ASAP1: variants seen among roughly 807,000 people sequenced by gnomAD.
ASAP1 encodes arf-GAP with SH3 domain, ANK repeat and PH domain-containing protein 1.
Under a neutral mutation model 145.2 loss-of-function variants are expected in ASAP1, and 43 were observed. The ratio of observed to expected loss-of-function variants is 0.30; its 90% confidence interval spans 0.23 to 0.38. ASAP1 has a LOEUF of 0.38. Ranked by LOEUF, ASAP1 falls within the 10% of genes least tolerant of loss-of-function variation. The pLI is 1.00. For missense variants in ASAP1, 1,018 were observed against 1,355.3 expected (o/e 0.75, Z 3.91); for synonymous variants, 546 against 515.5 (o/e 1.06, Z -0.80).
intron 1 of ASAP1, among the ~76,000 whole-genome samples, chr8:130,443,221 C>G (rs959180540): frequency 4.0e-5 from 6 of 151,816 alleles, no homozygotes; most frequent in Non-Finnish European, 8.8e-5. Flanking sequence ...GACCTCCCCC[C>G]CCCACCGGGC....
At chr8:130,416,552 T>A (rs1829483041) in intron 1 of ASAP1, among the ~76,000 whole-genome samples, 1 of 152,228 alleles carries the variant, frequency 6.6e-6, no homozygotes, top group Admixed American at 6.5e-5. Context: ...AAATAGGTTA[T>A]CCTGACTGTC....
chr8:130,320,347 CG>C (rs1823923256), intron 3 of ASAP1, among the ~76,000 whole-genome samples: 1 of 151,974 alleles, frequency 6.6e-6, no homozygotes. Context: ...CCTGAGCTCA[CG>C]GGTTTGAGAC....
rs746980098 is a variant in ASAP1, at chr8:130,112,336, TAAG to T, written c.2173-17_2173-15del. 1.7e-5 allele frequency: 27 copies of T among 1,610,080 alleles called. No homozygotes were observed. The highest frequency in any genetic ancestry group is 1.1e-4 in the East Asian group (5 of 44,812). Reference sequence around the variant, plus strand: ...GATAGGGCTTGGCTGGCAGATGAAATAAGAAGGTGAGATAATAATCAAGGACCA... The same window carrying T: ...GATAGGGCTTGGCTGGCAGATGAAATAAGGTGAGATAATAATCAAGGACCA... On this transcript the variant is annotated splice_polypyrimidine_tract_variant and intron_variant, in intron 23 of 29. Coordinates refer to ENST00000518721, the MANE Select transcript of ASAP1 (RefSeq NM_018482.4).
At chr8:130,135,768 A>G (rs1253890428) in intron 14 of ASAP1, among the ~76,000 whole-genome samples, 1 of 151,956 alleles carries the variant, frequency 6.6e-6, no homozygotes, top group East Asian at 1.9e-4. Flanking sequence ...TCTCATAACT[A>G]GGGGTTTTTG....
intron 16 of ASAP1, among the ~76,000 whole-genome samples, chr8:130,127,556 C>T (rs1439241799): frequency 2.6e-5 from 4 of 151,994 alleles, no homozygotes; most frequent in Non-Finnish European, 4.4e-5. Context: ...AAGTAAACTA[C>T]GAATCAGAAT....
chr8:130,112,014 G>A lies in ASAP1; in HGVS notation c.2401+80C>T. On this transcript the variant is annotated intron_variant, in intron 24 of 29. Coordinates refer to ENST00000518721, the MANE Select transcript of ASAP1 (RefSeq NM_018482.4). ...TGTACCTTGCAATTCTTACCTCAAA[G>A]CTGGCTAGACTATCAGCTCTGAGGA... 13 of 1,366,106 alleles carry A rather than the reference G, an allele frequency of 9.5e-6. No individual in the cohort carries two copies. The South Asian group carries it at 1.5e-4, about 16-fold the overall frequency. The allele number at this position is 1,366,106 out of a possible 1,614,324, so 84.6% of individuals were successfully genotyped here. A position where few individuals can be genotyped will look rare whatever the true frequency, so the allele number is the denominator to read the frequency against.
intron 3 of ASAP1, among the ~76,000 whole-genome samples, chr8:130,246,474 T>C (rs1818861168): frequency 6.6e-6 from 1 of 152,122 alleles, no homozygotes; most frequent in African/African-American, 2.4e-5. Flanking sequence ...TCCCCCATTC[T>C]GTTATCATAA....
rs145846268 is a variant in ASAP1, at chr8:130,294,376, A to G, written c.187-57382T>C. 2.6e-5 allele frequency among the ~76,000 whole-genome samples: 4 copies of G among 152,328 alleles called. No individual in the cohort carries two copies. The East Asian group carries it at 7.7e-4, about 29-fold the overall frequency. ...TACAGTCACCTCCTCTGTATCCCAT[A>G]AAGCCCAGCCTTCACTCTGGCCATT... is the stretch of plus-strand genomic sequence containing the variant. On this transcript the variant is annotated intron_variant, in intron 3 of 29. Coordinates refer to ENST00000518721, the MANE Select transcript of ASAP1 (RefSeq NM_018482.4).
At chr8:130,217,234 C>T (rs547078730) in intron 4 of ASAP1, among the ~76,000 whole-genome samples, 17 of 152,152 alleles carry the variant, frequency 1.1e-4, no homozygotes, top group Non-Finnish European at 2.4e-4. Flanking sequence ...TGTAGGGAGG[C>T]CCACAGTAGA....
intron 13 of ASAP1, among the ~76,000 whole-genome samples, chr8:130,150,466 A>G (rs2097643448): frequency 6.6e-6 from 1 of 152,244 alleles, no homozygotes; most frequent in Admixed American, 6.5e-5. Context: ...AGAAAAGCAA[A>G]TAGATACAAC....
chr8:130,098,463 C>A (rs1051775141), intron 24 of ASAP1, among the ~76,000 whole-genome samples: 1 of 152,198 alleles, frequency 6.6e-6, no homozygotes, highest in Non-Finnish European at 1.5e-5. Flanking sequence ...CCTGTCTCAG[C>A]CTCCGAAGTA....
At chr8:130,146,294 T>TA (rs983521603) in intron 13 of ASAP1, among the ~76,000 whole-genome samples, 9 of 151,864 alleles carry the variant, frequency 5.9e-5, no homozygotes, top group African/African-American at 1.2e-4. Context: ...TTAGTAAAAG[T>TA]AAAAAAAACC....
intron 4 of ASAP1, among the ~76,000 whole-genome samples, chr8:130,222,559 T>C (rs894629336): frequency 2.6e-5 from 4 of 152,222 alleles, no homozygotes; most frequent in Admixed American, 6.5e-5. Flanking sequence ...CTATCGTGGA[T>C]ACTAGAATAT....
At chr8:130,279,769 A>G (rs944117785) in intron 3 of ASAP1, among the ~76,000 whole-genome samples, 5 of 152,206 alleles carry the variant, frequency 3.3e-5, no homozygotes, top group African/African-American at 1.2e-4. Flanking sequence ...AGAGAAGTGA[A>G]GGCAGGGAGG....
chr8:130,165,970 T>A (rs575825404), intron 11 of ASAP1, among the ~76,000 whole-genome samples: 1 of 152,230 alleles, frequency 6.6e-6, no homozygotes, highest in Non-Finnish European at 1.5e-5. Context: ...AAAAACTGAC[T>A]ATAAAAATGC....
At chr8:130,113,344 C>G (rs1019574323) in intron 23 of ASAP1, among the ~76,000 whole-genome samples, 2 of 152,160 alleles carry the variant, frequency 1.3e-5, no homozygotes, top group Non-Finnish European at 2.9e-5. Context: ...TGGAATGATG[C>G]ATTCCACCCC....
chr8:130,358,813 C>T lies in ASAP1; in HGVS notation c.60-670G>A, dbSNP rs1004434631. ...GCTCCGAAGCTGCCGCTCCCGACCC[C>T]GGCTGCGCGGCACGGGGGCTCCGGA... On this transcript the variant is annotated intron_variant, in intron 2 of 29. Transcript: ENST00000518721. The surrounding 1 kb of genome is among the most constrained non-coding windows in gnomAD (Gnocchi z 4.1). Among the ~76,000 whole-genome samples the T allele has an allele frequency of 4.6e-5, 7 of 151,066 alleles. No homozygotes were observed. The highest frequency in any genetic ancestry group is 1.5e-4 in the African/African-American group (6 of 41,178).
chr8:130,418,107 G>A (rs963863689), intron 1 of ASAP1, among the ~76,000 whole-genome samples: 5 of 152,222 alleles, frequency 3.3e-5, no homozygotes, highest in Non-Finnish European at 7.3e-5. Flanking sequence ...AGGAGATGGT[G>A]TAAACCATAA....
chr8:130,301,465 T>C (rs1184441026), intron 3 of ASAP1, among the ~76,000 whole-genome samples: 1 of 152,258 alleles, frequency 6.6e-6, no homozygotes, highest in Non-Finnish European at 1.5e-5. Context: ...TGTTGTGTTC[T>C]CTGCCTTGTG....
Sources: gnomAD v4.1 joint callset for allele counts (sites outside exome capture counted in the v4.1 genomes callset) on GRCh38, gnomAD v4.1.1 for gene constraint, Gnocchi (gnomAD v3.1) non-coding constraint, MANE v1.5 for transcripts, NCBI Gene and HGNC (gene_info 2026-07-23, HGNC 2026-07-21) for gene names.